PIK3R4: variants seen among roughly 807,000 people sequenced by gnomAD.
The protein encoded by PIK3R4 is phosphoinositide-3-kinase regulatory subunit 4, also known as phosphoinositide 3-kinase regulatory subunit 4.
Under a neutral mutation model 136.5 loss-of-function variants are expected in PIK3R4, and 46 were observed. The ratio of observed to expected loss-of-function variants is 0.34; its 90% CI spans 0.27 to 0.43. The LOEUF is 0.43. PIK3R4 is among the 20% of genes least tolerant of loss of function. The probability of loss-of-function intolerance (pLI) is 1.00; values close to 1 mark genes in which losing one functional copy is unlikely to be tolerated. For synonymous variants in PIK3R4, 557 were observed against 566.7 expected (o/e 0.98, Z 0.24); for missense variants, 1,331 against 1,649.5 (o/e 0.81, Z 3.35).
intron 13 of PIK3R4, among the ~76,000 whole-genome samples, chr3:130,700,642 G>T (rs2066569331): frequency 6.6e-6 from 1 of 152,160 alleles, no homozygotes; most frequent in African/African-American, 2.4e-5. Context: ...TCAGGACTGG[G>T]AACTGAATGG....
chr3:130,707,133 T>C lies in PIK3R4; in HGVS notation c.2536A>G (p.Arg846Gly). 3 of 1,598,724 alleles carry C rather than the reference T, an allele frequency of 1.9e-6. No homozygotes were observed. The highest frequency in any genetic ancestry group is 2.6e-6 in the Non-Finnish European group (3 of 1,173,000). ...TTTGAGTCTTGTTTTACATGTTTTC[T>C]GGCTATGAAAATATATTCAGAATAG... ...TKQEPDDKRA[R>G]KHVKQDSNVN... The change falls in exon 11 of 20, where the codon AGA (arginine) becomes GGA (glycine). Residue 846 changes from arginine to glycine, a missense_variant and splice_region_variant. Physicochemically the swap from Arg to Gly is moderately radical, Grantham distance 125. This residue lies in a region of PIK3R4 where 1,180 missense variants were observed against 1,407.0 expected (regional missense o/e 0.84). Transcript: ENST00000356763.
At chr3:130,680,924 A>G in intron 18 of PIK3R4, 53 bp downstream of exon 18, 2 of 932,864 alleles carry the variant, frequency 2.1e-6, no homozygotes, top group African/African-American at 1.7e-5. Context: ...ATCAGTATCT[A>G]TAATAACAGC....
intron 12 of PIK3R4, 76 bp from the exon 13 acceptor site, chr3:130,703,964 A>C: frequency 1.1e-6 from 1 of 918,236 alleles, no homozygotes; most frequent in Non-Finnish European, 1.7e-6. Flanking sequence ...TGTTATAATA[A>C]CCAACAACCA....
intron 13 of PIK3R4, among the ~76,000 whole-genome samples, chr3:130,695,116 A>C (rs1197652628): frequency 6.6e-6 from 1 of 152,102 alleles, no homozygotes; most frequent in Admixed American, 6.5e-5. Flanking sequence ...TTATATTCCT[A>C]AGAAAAATTG....
intron 16 of PIK3R4, among the ~76,000 whole-genome samples, 189 bp downstream of exon 16, chr3:130,684,061 T>C (rs1390545252): frequency 1.3e-5 from 2 of 152,170 alleles, no homozygotes; most frequent in African/African-American, 4.8e-5. Context: ...GTAATGATGG[T>C]GACTGATGAG....
intron 2 of PIK3R4, among the ~76,000 whole-genome samples, chr3:130,739,064 T>G (rs2066803695): frequency 6.6e-6 from 1 of 152,098 alleles, no homozygotes; most frequent in Non-Finnish European, 1.5e-5. Flanking sequence ...CACCTTTTTT[T>G]GTTTGTTTTT....
At chr3:130,713,044 C>G (rs1380828299) in intron 9 of PIK3R4, among the ~76,000 whole-genome samples, 10 of 152,208 alleles carry the variant, frequency 6.6e-5, no homozygotes, top group Non-Finnish European at 1.2e-4. Context: ...TCTCCATTCC[C>G]TTATCTATAA....
chr3:130,716,659 T>C, intron 8 of PIK3R4, 60 bp from the exon 9 acceptor site: 1 of 992,096 alleles, frequency 1.0e-6, no homozygotes, highest in Non-Finnish European at 1.5e-6. Context: ...TATTTTCAAA[T>C]TCAATAAATA....
At position 130,703,887 on chromosome 3, in the gene PIK3R4, T is replaced by C; in HGVS notation, c.2934A>G (p.Gly978=). 1.9e-6 allele frequency: 3 copies of C among 1,607,376 alleles called. No individual in the cohort carries two copies. Among genetic ancestry groups the C allele is most frequent in the Non-Finnish European group, 2.6e-6 (3 of 1,175,424 alleles). Residue 978 remains glycine, a splice_region_variant and synonymous_variant, in exon 13 of 20, where the codon GGA becomes GGG. Transcript: ENST00000356763. ...AEWESKPPPP[G]WRPKGLLVAH... is the part of the protein sequence containing the mutation. ...CAACTAACAGCCCTTTAGGACGCCATCCTAAGGAAAAGCAAAGGAGTGTAT... is the reference window on the plus strand; with the variant it reads ...CAACTAACAGCCCTTTAGGACGCCACCCTAAGGAAAAGCAAAGGAGTGTAT...
At chr3:130,728,848 A>C (rs552900053) in intron 5 of PIK3R4, among the ~76,000 whole-genome samples, 164 bp from the exon 6 acceptor site, 2 of 152,280 alleles carry the variant, frequency 1.3e-5, no homozygotes, top group East Asian at 3.9e-4. Flanking sequence ...GCATTATTCA[A>C]AGCTCTGAAG....
chr3:130,728,618 A>G lies in PIK3R4; in HGVS notation c.1652T>C (p.Ile551Thr), dbSNP rs145414942. 16 of 1,612,230 alleles carry G rather than the reference A, an allele frequency of 9.9e-6. No homozygotes were observed. Among genetic ancestry groups the G allele is most frequent in the South Asian group, 3.3e-5 (3 of 90,832 alleles). The stretch of plus-strand genomic sequence containing the variant: ...ATTTTCCATCAAGGTTTGTTTTACA[A>G]TATTTTCAGGGTCACTTAGCAAAGT... ...VVTLLSDPEN[I>T]VKQTLMENGI... The change falls in exon 6 of 20, where the codon ATT (isoleucine) becomes ACT (threonine). Residue 551 changes from isoleucine to threonine, a missense_variant. By Grantham distance (89) the Ile-to-Thr change is moderately conservative. Coordinates refer to ENST00000356763, the MANE Select transcript of PIK3R4 (RefSeq NM_014602.3).
chr3:130,720,312 C>T (rs1446953491), intron 7 of PIK3R4, among the ~76,000 whole-genome samples: 2 of 152,160 alleles, frequency 1.3e-5, no homozygotes, highest in Non-Finnish European at 2.9e-5. Flanking sequence ...TCTCCCACCC[C>T]AGCCTCCCGA....
At chr3:130,745,836 A>T (rs2066849940) in intron 1 of PIK3R4, among the ~76,000 whole-genome samples, 1 of 152,182 alleles carries the variant, frequency 6.6e-6, no homozygotes. Context: ...GGGCTGGCCA[A>T]CATGGTTAAA....
intron 6 of PIK3R4, among the ~76,000 whole-genome samples, chr3:130,727,234 T>A (rs2066736906): frequency 6.6e-6 from 1 of 152,120 alleles, no homozygotes; most frequent in Non-Finnish European, 1.5e-5. Flanking sequence ...CTTTTTTTTT[T>A]TTTTGAGACG....
chr3:130,680,582 A>G, intron 19 of PIK3R4, 31 bp downstream of exon 19: 1 of 1,231,240 alleles, frequency 8.1e-7, no homozygotes, highest in Non-Finnish European at 1.2e-6. Context: ...TGTGCTTACA[A>G]AAGGTGAAAG....
intron 15 of PIK3R4, among the ~76,000 whole-genome samples, chr3:130,685,262 A>C (rs1158499168): frequency 6.6e-6 from 1 of 152,180 alleles, no homozygotes; most frequent in Non-Finnish European, 1.5e-5. Context: ...AGTTGCCAAG[A>C]GTAAATTTTA....
chr3:130,730,674 A>G (rs978823891), intron 4 of PIK3R4, among the ~76,000 whole-genome samples: 2 of 151,796 alleles, frequency 1.3e-5, no homozygotes, highest in African/African-American at 2.4e-5. Context: ...ATAATAATAT[A>G]AAAATAATCT....
chr3:130,723,490 A>C lies in PIK3R4; in HGVS notation c.1905T>G (p.Ala635=). The C allele has an allele frequency of 6.2e-7, 1 of 1,614,132 alleles. No individual in the cohort carries two copies. Among genetic ancestry groups the C allele is most frequent in the Non-Finnish European group, 8.5e-7 (1 of 1,179,992 alleles). Residue 635 remains alanine (A), a synonymous_variant, in exon 7 of 20, where the codon GCT becomes GCG. Transcript: ENST00000356763. ...GGCACATACAAGTAAGGGCATAAAGAGCTTTCACAATGACAAATTCCTCAG... is the reference window on the plus strand; with the variant it reads ...GGCACATACAAGTAAGGGCATAAAGCGCTTTCACAATGACAAATTCCTCAG... ...SDAEEFVIVK[A]LYALTCMCQL... is the part of the protein sequence containing the mutation.
chr3:130,733,377 C>A (rs1185255289), intron 4 of PIK3R4, among the ~76,000 whole-genome samples, 171 bp downstream of exon 4: 1 of 152,162 alleles, frequency 6.6e-6, no homozygotes, highest in Non-Finnish European at 1.5e-5. Context: ...AACACACAAA[C>A]GTTGATTCCC....
Sources: gnomAD v4.1 joint callset for allele counts (sites outside exome capture counted in the v4.1 genomes callset) on GRCh38, gnomAD v4.1.1 for gene constraint, gnomAD v4.1.1 regional missense constraint, MANE v1.5 for transcripts, NCBI Gene and HGNC (gene_info 2026-07-23, HGNC 2026-07-21) for gene names.